The following GNG7 variants were observed in gnomAD, a reference collection of about 807,000 sequenced individuals.
GNG7 encodes G protein subunit gamma 7.
In GNG7, 1 loss-of-function variant was observed where a neutral mutation model predicts 4.0. The ratio of observed to expected loss-of-function variants is 0.25; its 90% CI spans 0.09 to 1.18. The LOEUF (loss-of-function observed/expected upper bound fraction) is 1.18, where lower values mean the gene tolerates loss of function less well. Among genes scored for constraint, GNG7 ranks in the 50% most tolerant of loss-of-function variants. The pLI, the probability that GNG7 is intolerant of heterozygous loss-of-function variation, is 0.50. For missense variants in GNG7, 86 were observed against 91.9 expected, an observed-to-expected ratio of 0.94 and a Z score of 0.26; for synonymous variants, 34 against 36.9, an observed-to-expected ratio of 0.92 and a Z score of 0.29.
intron 4 of GNG7, among the ~76,000 whole-genome samples, chr19:2,517,975 C>T (rs952516544): frequency 6.6e-6 from 1 of 152,210 alleles, no homozygotes; most frequent in African/African-American, 2.4e-5. Flanking sequence ...CGGCTGCGGC[C>T]TGTGATGACT....
chr19:2,652,476 G>A (rs574535273), intron 1 of GNG7, among the ~76,000 whole-genome samples: 8 of 151,784 alleles, frequency 5.3e-5, no homozygotes, highest in Non-Finnish European at 1.2e-4. Flanking sequence ...AAAATTAGCC[G>A]GGCGTGGTGG....
At chr19:2,669,360 C>G (rs1490807193) in intron 1 of GNG7, among the ~76,000 whole-genome samples, 1 of 152,034 alleles carries the variant, frequency 6.6e-6, no homozygotes, top group Admixed American at 6.6e-5. Flanking sequence ...CGTGGTGGTG[C>G]ATGCCTGTAA....
chr19:2,652,534 G>A (rs562490270), intron 1 of GNG7, among the ~76,000 whole-genome samples: 10 of 152,130 alleles, frequency 6.6e-5, no homozygotes, highest in Admixed American at 3.3e-4. Flanking sequence ...CAGGAGAATC[G>A]CTTGAACCCG....
intron 3 of GNG7, among the ~76,000 whole-genome samples, chr19:2,547,379 G>C (rs1050263039): frequency 6.6e-6 from 1 of 151,916 alleles, no homozygotes; most frequent in African/African-American, 2.4e-5. Context: ...CCCGCCTTTC[G>C]CCTAGAGGTG....
intron 2 of GNG7, among the ~76,000 whole-genome samples, chr19:2,616,284 G>A (rs1981721642): frequency 6.6e-6 from 1 of 152,074 alleles, no homozygotes; most frequent in Admixed American, 6.6e-5. Context: ...TCGCTCTGCT[G>A]CCCAGGCTGG....
intron 2 of GNG7, among the ~76,000 whole-genome samples, chr19:2,616,276 G>C (rs967389601): frequency 6.6e-6 from 1 of 152,022 alleles, no homozygotes; most frequent in Non-Finnish European, 1.5e-5. Context: ...CCGGAGTCTC[G>C]CTCTGCTGCC....
chr19:2,563,331 G>A (rs1050742684), intron 2 of GNG7, among the ~76,000 whole-genome samples: 4 of 152,130 alleles, frequency 2.6e-5, no homozygotes, highest in Non-Finnish European at 4.4e-5. Context: ...GGGTGGGGCC[G>A]TCCTCGGCAC....
intron 1 of GNG7, among the ~76,000 whole-genome samples, chr19:2,675,951 T>C (rs976734904): frequency 2.6e-5 from 4 of 152,188 alleles, no homozygotes; most frequent in Non-Finnish European, 4.4e-5. Flanking sequence ...GATGGACTTA[T>C]TATTAAGATG....
intron 3 of GNG7, among the ~76,000 whole-genome samples, chr19:2,544,169 G>T (rs1979051697): frequency 6.6e-6 from 1 of 152,178 alleles, no homozygotes; most frequent in Non-Finnish European, 1.5e-5. Flanking sequence ...AGAGAGACAG[G>T]GTGTTATGTT....
intron 1 of GNG7, among the ~76,000 whole-genome samples, chr19:2,672,676 C>T (rs2144890166): frequency 6.6e-6 from 1 of 152,138 alleles, no homozygotes; most frequent in South Asian, 2.1e-4. Flanking sequence ...AAACTCCTGG[C>T]CTCAAGTGAT....
chr19:2,631,125 A>G (rs911139008), intron 2 of GNG7, among the ~76,000 whole-genome samples: 1 of 152,186 alleles, frequency 6.6e-6, no homozygotes, highest in Non-Finnish European at 1.5e-5. Context: ...AGAATGGTGC[A>G]TTTAGTATTA....
chr19:2,538,134 A>G (rs1422372516), intron 3 of GNG7: 1 of 456,472 alleles, frequency 2.2e-6, no homozygotes, highest in Non-Finnish European at 4.4e-6. Context: ...GAAAAGCTGC[A>G]GTGGCTACGG....
rs760410255 is a variant in GNG7 at position 2,515,062 on chromosome 19, T to G, written c.167A>C (p.Glu56Ala). The part of the protein sequence containing the change: ...DPLLVGVPAS[E>A]NPFKDKKPCI... ...AGGTTTCTTGTCCTTAAAGGGGTTC[T>G]CCGAGGCAGGGACTCCGACCAGCAG... The change falls in exon 5 of 5, where the codon GAG becomes GCG. Residue 56 changes from glutamate to alanine, a missense_variant. By Grantham distance (107) the Glu-to-Ala change is moderately radical. Coordinates refer to ENST00000382159, the MANE Select transcript of GNG7 (RefSeq NM_052847.3). The G allele has an allele frequency of 6.2e-7, 1 of 1,613,954 alleles. No individual in the cohort carries two copies.
rs376813176 is a variant in GNG7, at chr19:2,595,675, C to A, written c.-77-40487G>T. Among the ~76,000 whole-genome samples, 80 of 149,284 alleles carry A rather than the reference C, an allele frequency of 5.4e-4. 1 individual carries two copies. The East Asian group carries it at 0.015, about 29-fold the overall frequency. On this transcript the variant is annotated intron_variant, in intron 2 of 4. Coordinates refer to ENST00000382159, the MANE Select transcript of GNG7 (RefSeq NM_052847.3). ...GCGTGAACCCGGGAGGCGGAGCTTG[C>A]AGCGAGCCAAGATCGCACCACTGCA... is the stretch of plus-strand genomic sequence containing the variant.
At chr19:2,572,917 G>T (rs1292399229) in intron 2 of GNG7, among the ~76,000 whole-genome samples, 1 of 151,154 alleles carries the variant, frequency 6.6e-6, no homozygotes, top group South Asian at 2.1e-4. Flanking sequence ...CTGTTTCATC[G>T]CCTTAAATGG....
chr19:2,699,267 G>A (rs1432970170), intron 1 of GNG7, among the ~76,000 whole-genome samples: 1 of 150,872 alleles, frequency 6.6e-6, no homozygotes, highest in African/African-American at 2.4e-5. Context: ...TCCTGCCTCA[G>A]CCCCCCAAGT....
intron 2 of GNG7, among the ~76,000 whole-genome samples, chr19:2,569,495 T>G (rs1213866140): frequency 2.6e-5 from 4 of 152,152 alleles, no homozygotes; most frequent in African/African-American, 9.7e-5. Flanking sequence ...CAGGATGGTC[T>G]CGATCTCCTG....
chr19:2,568,897 T>A (rs1980054157), intron 2 of GNG7, among the ~76,000 whole-genome samples: 1 of 151,596 alleles, frequency 6.6e-6, no homozygotes, highest in African/African-American at 2.4e-5. Flanking sequence ...TGCACACACA[T>A]ATCCACACTA....
rs869231931 is a variant in GNG7 at position 2,657,361 on chromosome 19, AATATATATATAT to A, written c.-134-11093_-134-11082del. On this transcript the variant is annotated intron_variant, in intron 1 of 4. Coordinates refer to ENST00000382159, the MANE Select transcript of GNG7 (RefSeq NM_052847.3). ...TTAAAAAAAAAAAAAAAAAAAAAAA[AATATATATATAT>A]ATATATATATATATATATATATATA... is the stretch of plus-strand genomic sequence containing the variant. 2.6e-3 allele frequency among the ~76,000 whole-genome samples: 43 copies of A among 16,314 alleles called. No individual in the cohort carries two copies. In the East Asian group the frequency reaches 0.038, roughly 14 times the overall value. The allele number at this position is 16,314 out of a possible 152,430, so 10.7% of individuals were successfully genotyped here.
Sources: allele counts gnomAD v4.1 joint callset (sites outside exome capture counted in the v4.1 genomes callset), GRCh38; gene constraint gnomAD v4.1.1; transcripts MANE v1.5; gene names NCBI Gene and HGNC (gene_info 2026-07-23, HGNC 2026-07-21).